The following JARID2 variants were observed in gnomAD, a reference collection of about 807,000 sequenced individuals.
JARID2 encodes the protein jumonji and AT-rich interaction domain containing 2.
A neutral mutation model predicts 125.6 loss-of-function variants in JARID2; 21 were observed. The observed-to-expected ratio is 0.17, with a 90% confidence interval of 0.12 to 0.24. The LOEUF is 0.24. Among genes scored for constraint, JARID2 ranks in the 10% least tolerant of loss-of-function variants. The pLI is 1.00. For missense variants in JARID2, 1,303 were observed against 1,639.6 expected, an observed-to-expected ratio of 0.79 and a Z score of 3.55; for synonymous variants, 736 against 661.6, an observed-to-expected ratio of 1.11 and a Z score of -1.73.
chr6:15,494,413 C>CTTT lies in JARID2; in HGVS notation c.907-1701_907-1699dup, dbSNP rs60218567. 1.7e-4 allele frequency among the ~76,000 whole-genome samples: 14 copies of CTTT among 80,580 alleles called. 3 individuals are homozygous for CTTT. The highest frequency in any genetic ancestry group is 1.6e-3 in the South Asian group (3 of 1,874). 52.9% of individuals were successfully genotyped at this position (80,580 alleles called of 152,430 possible). A position where few individuals can be genotyped will look rare whatever the true frequency, so the allele number is the denominator to read the frequency against. The stretch of plus-strand genomic sequence containing the variant: ...ACTGGTTTGGATGTTTTTGGCAAGT[C>CTTT]TTTTTTTTTTTTTTTTTTTTGAGAC... On this transcript the variant is annotated intron_variant, in intron 6 of 17. Transcript: ENST00000341776.
intron 1 of JARID2, among the ~76,000 whole-genome samples, chr6:15,373,869 G>A (rs926232832): frequency 3.3e-5 from 5 of 152,124 alleles, no homozygotes; most frequent in South Asian, 2.1e-4. Context: ...ATTTTGGGGC[G>A]TATAAAGAAG....
At chr6:15,374,942 A>G (rs893667029) in intron 2 of JARID2, among the ~76,000 whole-genome samples, 2 of 152,248 alleles carry the variant, frequency 1.3e-5, no homozygotes, top group African/African-American at 4.8e-5. Flanking sequence ...TGTACTTATC[A>G]GGATTACAGT....
At chr6:15,321,279 T>C (rs914166235) in intron 1 of JARID2, among the ~76,000 whole-genome samples, 7 of 152,140 alleles carry the variant, frequency 4.6e-5, no homozygotes, top group African/African-American at 7.2e-5. Context: ...TTTTTTTACA[T>C]CACAAAGAAA....
At chr6:15,437,433 C>A (rs989480681) in intron 3 of JARID2, among the ~76,000 whole-genome samples, 1 of 152,300 alleles carries the variant, frequency 6.6e-6, no homozygotes, top group South Asian at 2.1e-4. Context: ...TTTACGCTTA[C>A]ATTGTGGAAG....
intron 1 of JARID2, among the ~76,000 whole-genome samples, chr6:15,300,722 T>TGTGAGAGAGAGAGAGAGAGAGA (rs1246745065): frequency 9.0e-6 from 1 of 111,116 alleles, no homozygotes; most frequent in Non-Finnish European, 1.8e-5. Flanking sequence ...TGTGTGTGTG[T>TGTGAGAGAGAGAGAGAGAGAGA]GAGAGAGAGA....
intron 1 of JARID2, among the ~76,000 whole-genome samples, chr6:15,300,087 C>T (rs971736544): frequency 2.0e-5 from 3 of 152,140 alleles, no homozygotes; most frequent in African/African-American, 7.2e-5. Flanking sequence ...TTCTCATTGG[C>T]CCAGTGTTTG....
At chr6:15,503,542 C>T (rs939758155) in intron 8 of JARID2, among the ~76,000 whole-genome samples, 3 of 152,158 alleles carry the variant, frequency 2.0e-5, no homozygotes, top group African/African-American at 7.2e-5. Flanking sequence ...CCCTCCCCCA[C>T]TCTACATGAC....
rs1165107876 is a variant in JARID2 at position 15,300,716 on chromosome 6, TGTGTGTGAGAGAGAGA to T, written c.45+54134_45+54149del. Among the ~76,000 whole-genome samples, 135 of 139,634 alleles carry T rather than the reference TGTGTGTGAGAGAGAGA, an allele frequency of 9.7e-4. 1 individual carries two copies. Among genetic ancestry groups the T allele is most frequent in the African/African-American group, 3.2e-3 (112 of 35,066 alleles). The allele number at this position is 139,634 out of a possible 152,430, so 91.6% of individuals were successfully genotyped here. A position where few individuals can be genotyped will look rare whatever the true frequency, so the allele number is the denominator to read the frequency against. The stretch of plus-strand genomic sequence containing the variant: ...GTGTGTGTGTGTGTGTGTGTGTGTG[TGTGTGTGAGAGAGAGA>T]GAGAGAGAGAGAGAGAGACAGAGAG... On this transcript the variant is annotated intron_variant, in intron 1 of 17. Transcript: ENST00000341776.
chr6:15,464,878 G>A (rs1768635738), intron 4 of JARID2, among the ~76,000 whole-genome samples: 1 of 151,998 alleles, frequency 6.6e-6, no homozygotes, highest in South Asian at 2.1e-4. Context: ...CTTTTTTCCT[G>A]TGTCCCCATA....
intron 1 of JARID2, among the ~76,000 whole-genome samples, chr6:15,287,621 A>G (rs1009508522): frequency 4.6e-5 from 7 of 152,210 alleles, no homozygotes; most frequent in African/African-American, 1.4e-4. Context: ...CTGTTTCCCT[A>G]TTCAAGTTCA....
In JARID2 at chr6:15,292,278, C is replaced by T. The variant is rs1019995385; in HGVS notation, c.45+45694C>T. The stretch of plus-strand genomic sequence containing the variant: ...CCTCGTGATCCGCCCGCCTCAGCCT[C>T]CCAAAGAGCTGGGATTACAGGCGTG... On this transcript the variant is annotated intron_variant, in intron 1 of 17. Coordinates refer to ENST00000341776, the MANE Select transcript of JARID2 (RefSeq NM_004973.4). 4.6e-5 allele frequency among the ~76,000 whole-genome samples: 7 copies of T among 152,108 alleles called. No individual in the cohort carries two copies. The South Asian group carries it at 1.4e-3, about 32-fold the overall frequency.
At chr6:15,386,943 A>ATGGGT (rs1365731053) in intron 2 of JARID2, among the ~76,000 whole-genome samples, 1 of 152,248 alleles carries the variant, frequency 6.6e-6, no homozygotes, top group Non-Finnish European at 1.5e-5. Flanking sequence ...CTCAGAGCAG[A>ATGGGT]TGGGCTTTGG....
chr6:15,314,559 G>T (rs1490531907), intron 1 of JARID2, among the ~76,000 whole-genome samples: 1 of 152,202 alleles, frequency 6.6e-6, no homozygotes, highest in Non-Finnish European at 1.5e-5. Flanking sequence ...GACATTGAGA[G>T]CTAGTTATAA....
chr6:15,267,654 A>T (rs1760137278), intron 1 of JARID2, among the ~76,000 whole-genome samples: 1 of 152,148 alleles, frequency 6.6e-6, no homozygotes, highest in South Asian at 2.1e-4. Context: ...TGTCTTCAGA[A>T]GTCCGGTGTG....
intron 1 of JARID2, among the ~76,000 whole-genome samples, chr6:15,319,167 A>G (rs1762272363): frequency 6.6e-6 from 1 of 152,214 alleles, no homozygotes; most frequent in Non-Finnish European, 1.5e-5. Flanking sequence ...TGTATATAAC[A>G]TGCTTGGAAT....
chr6:15,365,336 T>C (rs1199710234), intron 1 of JARID2, among the ~76,000 whole-genome samples: 1 of 152,168 alleles, frequency 6.6e-6, no homozygotes, highest in Non-Finnish European at 1.5e-5. Flanking sequence ...AAGCGAACCG[T>C]CAGATCCAGC....
chr6:15,292,178 G>A (rs1202309049), intron 1 of JARID2, among the ~76,000 whole-genome samples: 12 of 151,806 alleles, frequency 7.9e-5, no homozygotes, highest in Non-Finnish European at 1.5e-4. Context: ...CACCTCGCCC[G>A]GCTAATTTTT....
At chr6:15,457,088 A>C (rs1385768539) in intron 4 of JARID2, among the ~76,000 whole-genome samples, 3 of 152,092 alleles carry the variant, frequency 2.0e-5, no homozygotes, top group Admixed American at 6.6e-5. Context: ...TCCTGAAATG[A>C]TATTGCATTA....
At chr6:15,500,530 C>T (rs1770682818) in intron 7 of JARID2, among the ~76,000 whole-genome samples, 1 of 152,172 alleles carries the variant, frequency 6.6e-6, no homozygotes, top group African/African-American at 2.4e-5. Context: ...AGCTAGTCTT[C>T]TCATGACACC....
Sources: allele counts gnomAD v4.1 joint callset (sites outside exome capture counted in the v4.1 genomes callset), GRCh38; gene constraint gnomAD v4.1.1; transcripts MANE v1.5; gene names NCBI Gene and HGNC (gene_info 2026-07-23, HGNC 2026-07-21).